The following ATP8A2 variants were observed in gnomAD, a reference collection of about 807,000 sequenced individuals.
ATP8A2 encodes the protein phospholipid-transporting ATPase IB.
Under a neutral mutation model 165.6 loss-of-function variants are expected in ATP8A2, and 100 were observed. That is an observed-to-expected ratio of 0.60 (90% CI 0.51 to 0.71). The LOEUF (loss-of-function observed/expected upper bound fraction) is 0.71. ATP8A2 is among the 30% of genes least tolerant of loss of function. The pLI, the probability that ATP8A2 is intolerant of heterozygous loss-of-function variation, is 0.00. For synonymous variants in ATP8A2, 543 were observed against 548.8 expected (o/e 0.99, Z 0.15); for missense variants, 1,227 against 1,479.5 (o/e 0.83, Z 2.80).
At chr13:25,699,077 TG>T in intron 24 of ATP8A2, 95 bp from the exon 25 acceptor site, 1 of 923,272 alleles carries the variant, frequency 1.1e-6, no homozygotes, top group South Asian at 2.2e-5. Context: ...TTAGAATGGG[TG>T]TGTTCTCATT....
chr13:25,443,602 T>G (rs779181018), intron 1 of ATP8A2, among the ~76,000 whole-genome samples: 1 of 152,254 alleles, frequency 6.6e-6, no homozygotes, highest in Non-Finnish European at 1.5e-5. Context: ...ATGATTCAAG[T>G]TAAACAGCCA....
At chr13:25,380,113 T>G (rs1040168050) in intron 1 of ATP8A2, among the ~76,000 whole-genome samples, 3 of 152,090 alleles carry the variant, frequency 2.0e-5, no homozygotes, top group African/African-American at 7.2e-5. Context: ...AGGTGTAAAA[T>G]AATGAGGCCT....
chr13:25,379,559 G>A (rs1300947328), intron 1 of ATP8A2, among the ~76,000 whole-genome samples: 1 of 152,140 alleles, frequency 6.6e-6, no homozygotes, highest in African/African-American at 2.4e-5. Context: ...GTCACATAAT[G>A]ATTATCCTTG....
intron 10 of ATP8A2, among the ~76,000 whole-genome samples, chr13:25,549,111 G>C (rs568812095): frequency 6.6e-6 from 1 of 152,136 alleles, no homozygotes; most frequent in Non-Finnish European, 1.5e-5. Flanking sequence ...TTTATGGTTA[G>C]TGCCTTACAA....
chr13:25,623,494 TTG>T (rs1188009195), intron 24 of ATP8A2, among the ~76,000 whole-genome samples: 1 of 152,176 alleles, frequency 6.6e-6, no homozygotes, highest in Non-Finnish European at 1.5e-5. Context: ...CCACCTTTTT[TTG>T]TGTGTTTTTT....
intron 33 of ATP8A2, among the ~76,000 whole-genome samples, chr13:25,890,184 T>G (rs1464006010): frequency 2.0e-5 from 3 of 151,680 alleles, no homozygotes; most frequent in African/African-American, 7.3e-5. Flanking sequence ...AGAAAAAAAA[T>G]TTTACCGTCT....
At chr13:25,564,661 C>G (rs2039258974) in intron 16 of ATP8A2, among the ~76,000 whole-genome samples, 1 of 152,126 alleles carries the variant, frequency 6.6e-6, no homozygotes, top group African/African-American at 2.4e-5. Flanking sequence ...AGAATCACAT[C>G]AATTCACTGT....
At chr13:25,395,198 T>G (rs1252798009) in intron 1 of ATP8A2, among the ~76,000 whole-genome samples, 1 of 152,126 alleles carries the variant, frequency 6.6e-6, no homozygotes, top group East Asian at 1.9e-4. Context: ...GGGGCAGGGT[T>G]TTCCACCCAC....
At chr13:25,931,179 C>G (rs1179879110) in intron 33 of ATP8A2, among the ~76,000 whole-genome samples, 1 of 152,148 alleles carries the variant, frequency 6.6e-6, no homozygotes, top group Non-Finnish European at 1.5e-5. Flanking sequence ...TGTGCTGAGT[C>G]GCAGCCAAAA....
intron 30 of ATP8A2, among the ~76,000 whole-genome samples, chr13:25,849,336 C>G (rs909367127): frequency 1.3e-5 from 2 of 152,208 alleles, no homozygotes; most frequent in Non-Finnish European, 2.9e-5. Flanking sequence ...CTTCTGACCA[C>G]TATGTTATAA....
chr13:25,792,428 G>A (rs2045203206), intron 27 of ATP8A2, among the ~76,000 whole-genome samples: 1 of 152,240 alleles, frequency 6.6e-6, no homozygotes, highest in Middle Eastern at 3.4e-3. Flanking sequence ...GCTTCTGTGT[G>A]GGCTGCTGTG....
At chr13:25,792,324 A>G (rs1225687873) in intron 27 of ATP8A2, among the ~76,000 whole-genome samples, 1 of 152,214 alleles carries the variant, frequency 6.6e-6, no homozygotes, top group Non-Finnish European at 1.5e-5. Context: ...TGTCATCCAT[A>G]TGTAACTGAC....
chr13:25,714,511 C>T (rs986080769), intron 25 of ATP8A2, among the ~76,000 whole-genome samples: 1 of 152,188 alleles, frequency 6.6e-6, no homozygotes, highest in Admixed American at 6.5e-5. Flanking sequence ...AATCTGTCTC[C>T]ACCCAACAGA....
At chr13:25,721,670 A>C (rs988595974) in intron 25 of ATP8A2, among the ~76,000 whole-genome samples, 1 of 152,030 alleles carries the variant, frequency 6.6e-6, no homozygotes, top group Non-Finnish European at 1.5e-5. Context: ...TGTCCTTCCC[A>C]TTTCTTGTAA....
chr13:25,680,375 A>T (rs2042460487), intron 24 of ATP8A2, among the ~76,000 whole-genome samples: 1 of 152,214 alleles, frequency 6.6e-6, no homozygotes, highest in Admixed American at 6.5e-5. Context: ...AGTCACCAGA[A>T]GTGGGGAAGA....
chr13:25,531,207 TATGTTATATATG>T, intron 4 of ATP8A2, among the ~76,000 whole-genome samples: 2 of 143,398 alleles, frequency 1.4e-5, no homozygotes, highest in Admixed American at 7.3e-5. Context: ...ATATATGATA[TATGTTATATATG>T]ATATATGTTA....
intron 24 of ATP8A2, among the ~76,000 whole-genome samples, chr13:25,642,677 C>T (rs79082730): frequency 6.6e-6 from 1 of 151,652 alleles, no homozygotes; most frequent in Non-Finnish European, 1.5e-5. Flanking sequence ...TTGTGTAAGA[C>T]CATTTGACTA....
intron 24 of ATP8A2, among the ~76,000 whole-genome samples, chr13:25,650,743 A>G (rs1362549810): frequency 6.6e-6 from 1 of 152,164 alleles, no homozygotes; most frequent in Non-Finnish European, 1.5e-5. Context: ...GTATTTATTG[A>G]CATGATCTTA....
At chr13:25,860,677 C>G (rs1952321855) in intron 31 of ATP8A2, 127 bp from the exon 32 acceptor site, 2 of 703,918 alleles carry the variant, frequency 2.8e-6, no homozygotes, top group Non-Finnish European at 5.1e-6. Flanking sequence ...ACTGACATGG[C>G]TGGTGCTTTC....
Sources: allele counts gnomAD v4.1 joint callset (sites outside exome capture counted in the v4.1 genomes callset), GRCh38; gene constraint gnomAD v4.1.1; transcripts MANE v1.5; gene names NCBI Gene and HGNC (gene_info 2026-07-23, HGNC 2026-07-21).